The following PHKB variants were observed in gnomAD, a reference collection of about 807,000 sequenced individuals.
PHKB encodes phosphorylase b kinase regulatory subunit beta.
PHKB carries 122 observed loss-of-function variants against 152.1 expected under a neutral mutation model. The observed-to-expected ratio is 0.80, with a 90% CI of 0.69 to 0.93. The LOEUF (loss-of-function observed/expected upper bound fraction) is 0.93, where lower values mean the gene tolerates loss of function less well. Ranked by LOEUF, PHKB falls within the 40% of genes least tolerant of loss-of-function variation. PHKB has a pLI of 0.00. For missense variants in PHKB, 1,304 were observed against 1,328.4 expected, an observed-to-expected ratio of 0.98 and a Z score of 0.29; for synonymous variants, 436 against 464.9, an observed-to-expected ratio of 0.94 and a Z score of 0.80.
chr16:47,499,996 C>G, intron 3 of PHKB, 102 bp downstream of exon 3: 1 of 1,310,398 alleles, frequency 7.6e-7, no homozygotes, highest in Non-Finnish European at 1.1e-6. Flanking sequence ...GCTGCTGACT[C>G]ACTGTGCGAC....
intron 6 of PHKB, chr16:47,529,903 A>G (rs887361916): frequency 1.3e-5 from 2 of 152,220 alleles, no homozygotes; most frequent in African/African-American, 4.8e-5. Flanking sequence ...AGTGTAACTC[A>G]TTACATTAGC....
intron 6 of PHKB, among the ~76,000 whole-genome samples, chr16:47,541,695 G>T (rs1971062108): frequency 6.6e-6 from 1 of 152,160 alleles, no homozygotes; most frequent in Admixed American, 6.5e-5. Flanking sequence ...CATTCTAACT[G>T]GTGTGAGGTG....
intron 7 of PHKB, among the ~76,000 whole-genome samples, chr16:47,574,502 A>G (rs1464348598): frequency 6.6e-6 from 1 of 152,176 alleles, no homozygotes; most frequent in African/African-American, 2.4e-5. Flanking sequence ...GCTCTTTGCA[A>G]GTGGGTGAGG....
chr16:47,597,852 A>G (rs544835012), intron 13 of PHKB: 10 of 151,820 alleles, frequency 6.6e-5, no homozygotes, highest in African/African-American at 2.2e-4. Context: ...ATTAAAGGCC[A>G]CGGTCCAGAA....
chr16:47,495,275 A>G (rs1337669627), intron 1 of PHKB, among the ~76,000 whole-genome samples: 2 of 151,892 alleles, frequency 1.3e-5, no homozygotes, highest in Non-Finnish European at 2.9e-5. Flanking sequence ...TTAAAAATAA[A>G]TATTTTTAAA....
At chr16:47,468,130 A>G (rs1224082523) in intron 1 of PHKB, among the ~76,000 whole-genome samples, 1 of 151,880 alleles carries the variant, frequency 6.6e-6, no homozygotes, top group African/African-American at 2.4e-5. Flanking sequence ...TTTCTACTCC[A>G]CCTCTAAAAC....
intron 26 of PHKB, among the ~76,000 whole-genome samples, chr16:47,673,924 G>C (rs1310980640): frequency 2.0e-5 from 3 of 152,172 alleles, no homozygotes; most frequent in African/African-American, 7.2e-5. Context: ...GTAAGTGGAA[G>C]AACTGGGATT....
chr16:47,600,310 A>G (rs79834514), intron 13 of PHKB, among the ~76,000 whole-genome samples: 2 of 152,326 alleles, frequency 1.3e-5, no homozygotes, highest in East Asian at 1.9e-4. Flanking sequence ...TATAAAATTT[A>G]TACTTTTAGA....
At chr16:47,520,439 C>G (rs867513292) in intron 6 of PHKB, among the ~76,000 whole-genome samples, 1 of 152,048 alleles carries the variant, frequency 6.6e-6, no homozygotes, top group Non-Finnish European at 1.5e-5. Context: ...AGTGGCTTAT[C>G]AAGGTCGCAC....
rs151222947 is a variant in PHKB, at chr16:47,698,483, C to T, written c.3039C>T (p.Asn1013=). Reference sequence around the variant, plus strand: ...TTGTATCCATTGTACTGGAAAGAAACCCCGAGCTAGAATTTCAAGACAAAG... The same window carrying T: ...TTGTATCCATTGTACTGGAAAGAAATCCCGAGCTAGAATTTCAAGACAAAG... ...LMVVSIVLER[N]PELEFQDKVD... Residue 1013 remains asparagine, a synonymous_variant, in exon 30 of 31, where the codon AAC becomes AAT. Transcript: ENST00000323584. 69 of 1,611,462 alleles carry T rather than the reference C, an allele frequency of 4.3e-5. No homozygotes were observed. The African/African-American group carries it at 7.9e-4, about 18-fold the overall frequency.
At chr16:47,469,058 CCTT>C (rs748409571) in intron 1 of PHKB, among the ~76,000 whole-genome samples, 48 of 152,114 alleles carry the variant, frequency 3.2e-4, no homozygotes, top group Non-Finnish European at 6.0e-4. Flanking sequence ...AATTTTTCCC[CCTT>C]CTTAGTTTTC....
chr16:47,478,498 A>C (rs1286902001), intron 1 of PHKB, among the ~76,000 whole-genome samples: 1 of 140,792 alleles, frequency 7.1e-6, no homozygotes, highest in East Asian at 2.0e-4. Flanking sequence ...GCTTTACCTG[A>C]AAAAAAGAAA....
At chr16:47,461,305 G>C (rs1232971038), upstream of PHKB, 2 of 1,503,300 alleles carry the variant, frequency 1.3e-6, no homozygotes, top group Non-Finnish European at 1.8e-6. Flanking sequence ...CGGCATTGCT[G>C]ACAGGCGGCC....
At chr16:47,587,637 T>G in intron 8 of PHKB, 31 bp from the exon 9 acceptor site, 1 of 1,537,840 alleles carries the variant, frequency 6.5e-7, no homozygotes, top group South Asian at 1.1e-5. Context: ...TTTTCTTAAT[T>G]TAGGAAATGT....
intron 26 of PHKB, among the ~76,000 whole-genome samples, chr16:47,673,357 C>T (rs1973669728): frequency 6.6e-6 from 1 of 152,094 alleles, no homozygotes; most frequent in Non-Finnish European, 1.5e-5. Context: ...TCTCTGTACT[C>T]TTAGAGAAGT....
At chr16:47,480,305 G>T (rs979659420) in intron 1 of PHKB, among the ~76,000 whole-genome samples, 9 of 152,170 alleles carry the variant, frequency 5.9e-5, no homozygotes, top group African/African-American at 2.2e-4. Flanking sequence ...AAACTGATGT[G>T]CTAATTGCTT....
intron 7 of PHKB, among the ~76,000 whole-genome samples, chr16:47,554,852 A>G (rs566871702): frequency 1.4e-4 from 22 of 152,234 alleles, no homozygotes; most frequent in African/African-American, 5.1e-4. Flanking sequence ...TGCACCCACT[A>G]TCTAACCAGT....
At chr16:47,498,937 T>C (rs1386157352) in intron 2 of PHKB, among the ~76,000 whole-genome samples, 1 of 152,172 alleles carries the variant, frequency 6.6e-6, no homozygotes, top group Non-Finnish European at 1.5e-5. Context: ...TAGATAAGGT[T>C]AATGTAATGC....
At chr16:47,541,998 T>C (rs1971068635) in intron 6 of PHKB, among the ~76,000 whole-genome samples, 1 of 152,232 alleles carries the variant, frequency 6.6e-6, no homozygotes, top group Non-Finnish European at 1.5e-5. Flanking sequence ...CTCTTTAGTT[T>C]AATTAGATAC....
Sources: allele counts gnomAD v4.1 joint callset (sites outside exome capture counted in the v4.1 genomes callset), GRCh38; gene constraint gnomAD v4.1.1; transcripts MANE v1.5; gene names NCBI Gene and HGNC (gene_info 2026-07-23, HGNC 2026-07-21).